The following IL1RAPL1 variants were observed in gnomAD, a reference collection of about 807,000 sequenced individuals.
IL1RAPL1 encodes interleukin-1 receptor accessory protein-like 1.
In IL1RAPL1, 3 loss-of-function variants were observed where a neutral mutation model predicts 48.4. The observed-to-expected ratio is 0.06, with a 90% CI of 0.03 to 0.16. The LOEUF (loss-of-function observed/expected upper bound fraction) is 0.16. Among genes scored for constraint, IL1RAPL1 ranks in the 10% least tolerant of loss-of-function variants. IL1RAPL1 has a pLI of 1.00. For synonymous variants in IL1RAPL1, 185 were observed against 187.7 expected, an observed-to-expected ratio of 0.99 and a Z score of 0.12; for missense variants, 349 against 530.6, an observed-to-expected ratio of 0.66 and a Z score of 3.36.
In IL1RAPL1 at chrX:29,076,778, ATCTG is replaced by A. The variant is rs1175863903; in HGVS notation, c.83-206136_83-206133del. On this transcript the variant is annotated intron_variant, in intron 2 of 10. Coordinates refer to ENST00000378993, the MANE Select transcript of IL1RAPL1 (RefSeq NM_014271.4). ...CTCATGAAATAAGACAGATCTATCT[ATCTG>A]TCTGTCTGTCTGTCTGTCTGTCTAT... Among the ~76,000 whole-genome samples the A allele has an allele frequency of 1.7e-3, 159 of 95,416 alleles. 2 individuals carry two copies. Among genetic ancestry groups the A allele is most frequent in the Admixed American group, 5.7e-3 (48 of 8,377 alleles). 82.9% of individuals were successfully genotyped at this position (95,416 alleles called of 115,157 possible). A position where few individuals can be genotyped will look rare whatever the true frequency, so the allele number is the denominator to read the frequency against.
chrX:29,151,488 G>A (rs1929466794), intron 2 of IL1RAPL1, among the ~76,000 whole-genome samples: 1 of 111,490 alleles, frequency 9.0e-6, no homozygotes, highest in Admixed American at 9.6e-5. Context: ...CTGAGACAAG[G>A]CTTTAAGTGC....
chrX:29,258,780 A>T, intron 2 of IL1RAPL1, among the ~76,000 whole-genome samples: 1 of 110,845 alleles, frequency 9.0e-6, no homozygotes, highest in Non-Finnish European at 1.9e-5. Flanking sequence ...TGCTTTCCTT[A>T]TTGGAAGATA....
At chrX:29,429,072 C>T (rs1228396285) in intron 5 of IL1RAPL1, among the ~76,000 whole-genome samples, 1 of 112,258 alleles carries the variant, frequency 8.9e-6, no homozygotes, top group Non-Finnish European at 1.9e-5. Flanking sequence ...TTAAGTGACT[C>T]CCCCTTTGTC....
chrX:29,727,728 C>A (rs1182886790), intron 6 of IL1RAPL1, among the ~76,000 whole-genome samples: 1 of 111,445 alleles, frequency 9.0e-6, no homozygotes, highest in Non-Finnish European at 1.9e-5. Flanking sequence ...CTGCCAAAAC[C>A]AAAGGACAGT....
At chrX:29,716,872 G>A (rs1286161628) in intron 6 of IL1RAPL1, among the ~76,000 whole-genome samples, 3 of 111,017 alleles carry the variant, frequency 2.7e-5, no homozygotes, top group African/African-American at 9.8e-5. Flanking sequence ...CCTCAGTAAA[G>A]GGAACTGATT....
chrX:29,155,381 G>A (rs773901564), intron 2 of IL1RAPL1, among the ~76,000 whole-genome samples: 2 of 111,811 alleles, frequency 1.8e-5, no homozygotes, highest in South Asian at 7.5e-4. Flanking sequence ...ATTGAATGAG[G>A]CATCCTTTGT....
At chrX:29,144,015 A>G (rs181167056) in intron 2 of IL1RAPL1, among the ~76,000 whole-genome samples, 4 of 111,793 alleles carry the variant, frequency 3.6e-5, no homozygotes, top group Non-Finnish European at 7.5e-5. Context: ...TTTTAATGCC[A>G]TATTAGGGCA....
At chrX:29,472,121 G>T (rs1415411254) in intron 5 of IL1RAPL1, among the ~76,000 whole-genome samples, 2 of 111,236 alleles carry the variant, frequency 1.8e-5, no homozygotes, top group Non-Finnish European at 1.9e-5. Flanking sequence ...GCTTTCTCTG[G>T]TGTCACCAGT....
At chrX:28,805,016 T>G (rs963204517) in intron 2 of IL1RAPL1, among the ~76,000 whole-genome samples, 8 of 110,906 alleles carry the variant, frequency 7.2e-5, no homozygotes, top group Non-Finnish European at 1.3e-4. Context: ...ATGCTAATAT[T>G]ATGCTCTAGG....
At chrX:29,522,543 G>A (rs1248111293) in intron 5 of IL1RAPL1, among the ~76,000 whole-genome samples, 4 of 111,732 alleles carry the variant, frequency 3.6e-5, no homozygotes, top group Non-Finnish European at 7.5e-5. Flanking sequence ...TGTTACAGAC[G>A]TAGCTGTTGT....
At chrX:29,775,037 G>A (rs1276392693) in intron 6 of IL1RAPL1, among the ~76,000 whole-genome samples, 1 of 111,950 alleles carries the variant, frequency 8.9e-6, no homozygotes, top group Admixed American at 9.6e-5. Context: ...CATGTCTTGA[G>A]CATGTTGCTT....
intron 2 of IL1RAPL1, among the ~76,000 whole-genome samples, chrX:29,191,059 T>G (rs1218960996): frequency 9.0e-6 from 1 of 111,535 alleles, no homozygotes; most frequent in East Asian, 2.8e-4. Context: ...AGATTGTATA[T>G]AGTTAAGAAA....
In IL1RAPL1 at chrX:29,955,795, C is replaced by A; in HGVS notation, c.2066C>A (p.Thr689Asn). The A allele has an allele frequency of 8.3e-7, 1 of 1,208,477 alleles. No individual in the cohort carries two copies. The change falls in exon 11 of 11, where the codon ACC becomes AAC. Residue 689 changes from threonine to asparagine, a missense_variant. Coordinates refer to ENST00000378993, the MANE Select transcript of IL1RAPL1 (RefSeq NM_014271.4). ...SAILPLLPRE[T>N]SISSVIW ...ATCCTGCCGCTGTTGCCAAGGGAGA[C>A]CAGTATATCCAGTGTGATATGGTGA...
At chrX:28,982,774 C>T (rs1291446469) in intron 2 of IL1RAPL1, 1 of 111,496 alleles carries the variant, frequency 9.0e-6, no homozygotes, top group African/African-American at 3.3e-5. Flanking sequence ...TGCTTAGATA[C>T]TCTTGTCCAA....
intron 1 of IL1RAPL1, among the ~76,000 whole-genome samples, chrX:28,761,007 A>AC (rs1601891011): frequency 9.4e-6 from 1 of 106,762 alleles, no homozygotes; most frequent in South Asian, 4.3e-4. Context: ...AATTGCTTGA[A>AC]CCTGGGGGGG....
intron 2 of IL1RAPL1, among the ~76,000 whole-genome samples, chrX:28,894,284 A>G (rs1014883635): frequency 4.5e-5 from 5 of 111,928 alleles, no homozygotes; most frequent in Non-Finnish European, 9.4e-5. Flanking sequence ...GCAGAGCTGT[A>G]GCCTCAATGA....
In IL1RAPL1 at chrX:29,129,588, AT is replaced by A. The variant is rs754196116; in HGVS notation, c.83-153326del. Among the ~76,000 whole-genome samples the A allele has an allele frequency of 9.7e-4, 58 of 59,854 alleles. No individual in the cohort carries two copies. The East Asian group carries it at 0.011, about 11-fold the overall frequency. 52.0% of individuals were successfully genotyped at this position (59,854 alleles called of 115,157 possible). The stretch of plus-strand genomic sequence containing the variant: ...AACTGTATATGCAGAAATAATGTAA[AT>A]TTTTTTTTTTTTTTTTTTTTTTTGA... On this transcript the variant is annotated intron_variant, in intron 2 of 10. Coordinates refer to ENST00000378993, the MANE Select transcript of IL1RAPL1 (RefSeq NM_014271.4).
intron 2 of IL1RAPL1, among the ~76,000 whole-genome samples, chrX:29,168,024 T>G (rs186613090): frequency 7.4e-4 from 82 of 111,050 alleles, no homozygotes; most frequent in African/African-American, 2.6e-3. Context: ...ATTGTTAAAT[T>G]TTTTAAAAAG....
chrX:29,039,227 G>A lies in IL1RAPL1; in HGVS notation c.83-243711G>A, dbSNP rs1271615940. Among the ~76,000 whole-genome samples the A allele has an allele frequency of 5.4e-5, 6 of 111,466 alleles. No individual in the cohort carries two copies. In the East Asian group the frequency reaches 1.7e-3, roughly 32 times the overall value. ...ATTAAGTAGACAACTCACTGGTCAAGGAAGCATACAGAATGCTGAGGGAAC... is the reference window on the plus strand; with the variant it reads ...ATTAAGTAGACAACTCACTGGTCAAAGAAGCATACAGAATGCTGAGGGAAC... On this transcript the variant is annotated intron_variant, in intron 2 of 10. Transcript: ENST00000378993.
Sources: allele counts gnomAD v4.1 joint callset (sites outside exome capture counted in the v4.1 genomes callset), GRCh38; gene constraint gnomAD v4.1.1; transcripts MANE v1.5; gene names NCBI Gene and HGNC (gene_info 2026-07-23, HGNC 2026-07-21).